The following ANKS1A variants were observed in gnomAD, a reference collection of about 807,000 sequenced individuals.
The protein encoded by ANKS1A is ankyrin repeat and sterile alpha motif domain containing 1A.
Under a neutral mutation model 120.3 loss-of-function variants are expected in ANKS1A, and 55 were observed. The observed-to-expected ratio is 0.46, with a 90% CI of 0.37 to 0.57. The LOEUF is 0.57. Among genes scored for constraint, ANKS1A ranks in the 20% least tolerant of loss-of-function variants. The pLI is 0.00. For missense variants in ANKS1A, 1,123 were observed against 1,480.3 expected (o/e 0.76, Z 3.96); for synonymous variants, 590 against 604.7 (o/e 0.98, Z 0.36).
chr6:35,093,985 G>C (rs1166392555), downstream of ANKS1A, among the ~76,000 whole-genome samples: 8 of 152,308 alleles, frequency 5.3e-5, no homozygotes, highest in East Asian at 1.5e-3. Flanking sequence ...CTCCCGCCTT[G>C]GGAGTCAGTG....
intron 1 of ANKS1A, among the ~76,000 whole-genome samples, chr6:34,930,637 C>G (rs1288029834): frequency 1.3e-5 from 2 of 152,108 alleles, no homozygotes; most frequent in Non-Finnish European, 2.9e-5. Context: ...CTCTGTTCTG[C>G]TTGTTTCTGG....
rs371800794 is a variant in ANKS1A at position 34,994,435 on chromosome 6, C to G, written c.1423+13C>G. The G allele has an allele frequency of 1.2e-6, 2 of 1,608,758 alleles. No homozygotes were observed. Among genetic ancestry groups the G allele is most frequent in the African/African-American group, 2.7e-5 (2 of 74,782 alleles). On this transcript the variant is annotated intron_variant, in intron 10 of 23. Coordinates refer to ENST00000360359, the MANE Select transcript of ANKS1A (RefSeq NM_015245.3). ...GGAAAAACAAAAGGTACGTTCCCCA[C>G]AACTCCTGGCAGAACCAACTCCAAA...
chr6:35,025,301 G>A (rs1242249310), intron 11 of ANKS1A, among the ~76,000 whole-genome samples: 9 of 151,670 alleles, frequency 5.9e-5, no homozygotes, highest in Non-Finnish European at 1.3e-4. Context: ...GTGTGTGTGT[G>A]TGTATTTATG....
chr6:34,962,721 A>C lies in ANKS1A; in HGVS notation c.198-4518A>C, dbSNP rs191261614. Reference sequence around the variant, plus strand: ...GGAGAATCGCTTGAACCCGGGAGGCAGAGGTTGCAGTGAGCCGAGATCCCA... The same window carrying C: ...GGAGAATCGCTTGAACCCGGGAGGCCGAGGTTGCAGTGAGCCGAGATCCCA... On this transcript the variant is annotated intron_variant, in intron 1 of 23. Coordinates refer to ENST00000360359, the MANE Select transcript of ANKS1A (RefSeq NM_015245.3). Among the ~76,000 whole-genome samples the C allele has an allele frequency of 7.4e-3, 1,115 of 150,788 alleles. 21 individuals carry two copies. The highest frequency in any genetic ancestry group is 0.026 in the African/African-American group (1,060 of 41,202).
intron 7 of ANKS1A, 108 bp downstream of exon 7, chr6:34,983,533 G>T (rs1189894559): frequency 4.3e-6 from 4 of 937,984 alleles, no homozygotes; most frequent in East Asian, 4.9e-5. Flanking sequence ...TTGGGGGATT[G>T]TGAGTACTTA....
intron 10 of ANKS1A, among the ~76,000 whole-genome samples, chr6:35,016,924 G>T (rs886381164): frequency 6.9e-6 from 1 of 145,360 alleles, no homozygotes; most frequent in African/African-American, 2.5e-5. Context: ...GCAGGTTGTG[G>T]ATCATGACCT....
Position 35,057,125 on chromosome 6 carries a change from C to T in ANKS1A, c.2077+2960C>T, listed in dbSNP as rs544946788. On this transcript the variant is annotated intron_variant, in intron 12 of 23. Coordinates refer to ENST00000360359, the MANE Select transcript of ANKS1A (RefSeq NM_015245.3). This position sits in a 1 kb window ranked among gnomAD's most constrained non-coding sequence, Gnocchi z 4.1. ...GCACCACTGGTTTTGCAGAGGCGCC[C>T]GCACCCCCCAGCCGAAGGGCACGAC... Among the ~76,000 whole-genome samples the T allele has an allele frequency of 3.9e-5, 6 of 152,100 alleles. No individual in the cohort carries two copies. The highest frequency in any genetic ancestry group is 5.9e-5 in the Non-Finnish European group (4 of 67,998).
chr6:34,903,263 G>C (rs965185584), intron 1 of ANKS1A, among the ~76,000 whole-genome samples: 4 of 150,180 alleles, frequency 2.7e-5, no homozygotes, highest in African/African-American at 7.3e-5. Flanking sequence ...TTGGCTCATT[G>C]TGGGGTTTGA....
intron 10 of ANKS1A, 22 bp from the exon 11 acceptor site, chr6:35,017,451 C>A: frequency 6.4e-7 from 1 of 1,558,398 alleles, no homozygotes; most frequent in Non-Finnish European, 8.7e-7. Flanking sequence ...TTTTATTTCT[C>A]TGTCTCTCCG....
At chr6:35,031,925 CCCTA>C in intron 11 of ANKS1A, among the ~76,000 whole-genome samples, 1 of 152,290 alleles carries the variant, frequency 6.6e-6, no homozygotes, top group Non-Finnish European at 1.5e-5. Flanking sequence ...ATACTATTCT[CCCTA>C]CTTGGGTGGC....
intron 7 of ANKS1A, 130 bp from the exon 8 acceptor site, chr6:34,984,952 A>G: frequency 2.7e-6 from 2 of 742,100 alleles, no homozygotes; most frequent in Non-Finnish European, 4.4e-6. Flanking sequence ...GGAACAAAGT[A>G]ATCATTTTCT....
intron 10 of ANKS1A, among the ~76,000 whole-genome samples, chr6:35,001,295 C>T (rs1261817395): frequency 6.6e-6 from 1 of 152,204 alleles, no homozygotes; most frequent in East Asian, 1.9e-4. Flanking sequence ...TTAAAACAAA[C>T]TTTGGCAATT....
At chr6:35,097,893 T>C in the ANKS1A span, among the ~76,000 whole-genome samples, 1 of 152,332 alleles carries the variant, frequency 6.6e-6, no homozygotes, top group Non-Finnish European at 1.5e-5. Context: ...CTAAACTGTT[T>C]ACGAAAATTT....
chr6:34,910,305 C>A (rs56858199), intron 1 of ANKS1A, among the ~76,000 whole-genome samples: 2,100 of 152,268 alleles, frequency 0.014, 50 homozygotes, highest in African/African-American at 0.044. Context: ...GGCTCGTGCC[C>A]TGTAATCCCA....
intron 3 of ANKS1A, among the ~76,000 whole-genome samples, chr6:34,971,007 C>T (rs1771157297): frequency 6.6e-6 from 1 of 152,188 alleles, no homozygotes; most frequent in South Asian, 2.1e-4. Context: ...GACCCTGTCT[C>T]AAAAGTAAAA....
At chr6:34,994,715 T>C (rs1476894153) in intron 10 of ANKS1A, among the ~76,000 whole-genome samples, 1 of 152,184 alleles carries the variant, frequency 6.6e-6, no homozygotes, top group Non-Finnish European at 1.5e-5. Context: ...CAGAGATTGA[T>C]TTGGGGTCTC....
At chr6:35,002,808 A>G (rs974664085) in intron 10 of ANKS1A, among the ~76,000 whole-genome samples, 1 of 152,040 alleles carries the variant, frequency 6.6e-6, no homozygotes, top group Admixed American at 6.6e-5. Context: ...GAATTCACTC[A>G]TTCTGTAGGA....
chr6:35,083,568 C>T, intron 20 of ANKS1A, 65 bp downstream of exon 20: 1 of 1,506,094 alleles, frequency 6.6e-7, no homozygotes, highest in Non-Finnish European at 9.2e-7. Flanking sequence ...CCACAGGGCT[C>T]CAGGGCAAGC....
chr6:35,038,990 C>T (rs1775317082), intron 11 of ANKS1A, among the ~76,000 whole-genome samples: 1 of 151,968 alleles, frequency 6.6e-6, no homozygotes, highest in African/African-American at 2.4e-5. Flanking sequence ...TTATTTAACT[C>T]TAATACAATA....
Sources: allele counts gnomAD v4.1 joint callset (sites outside exome capture counted in the v4.1 genomes callset), GRCh38; gene constraint gnomAD v4.1.1; non-coding constraint Gnocchi (gnomAD v3.1); transcripts MANE v1.5; gene names NCBI Gene and HGNC (gene_info 2026-07-23, HGNC 2026-07-21).